NECAB1: variants seen among roughly 807,000 people sequenced by gnomAD.
NECAB1 encodes N-terminal EF-hand calcium-binding protein 1.
In NECAB1, 29 loss-of-function variants were observed where a neutral mutation model predicts 57.5. The observed-to-expected ratio is 0.50, with a 90% confidence interval of 0.38 to 0.69. NECAB1 has a LOEUF of 0.69. NECAB1 is among the 30% of genes least tolerant of loss of function. The pLI is 0.00. For synonymous variants in NECAB1, 142 were observed against 147.7 expected, an observed-to-expected ratio of 0.96 and a Z score of 0.28; for missense variants, 372 against 413.8, an observed-to-expected ratio of 0.90 and a Z score of 0.88.
intron 9 of NECAB1, among the ~76,000 whole-genome samples, chr8:90,939,350 C>T (rs922407953): frequency 6.6e-6 from 1 of 152,220 alleles, no homozygotes; most frequent in South Asian, 2.1e-4. Flanking sequence ...GTTGATTGGC[C>T]AGAGCAGGTT....
intron 12 of NECAB1, among the ~76,000 whole-genome samples, chr8:90,953,700 G>A (rs1164299021): frequency 6.6e-6 from 1 of 152,126 alleles, no homozygotes; most frequent in Non-Finnish European, 1.5e-5. Flanking sequence ...GGTTTTAATG[G>A]CCATATAACT....
chr8:90,953,210 C>G (rs1260378309), intron 12 of NECAB1, among the ~76,000 whole-genome samples: 1 of 152,104 alleles, frequency 6.6e-6, no homozygotes, highest in East Asian at 1.9e-4. Context: ...GAGGATAGAA[C>G]AGGAGGCTAC....
At chr8:90,833,068 G>A (rs886449270) in intron 3 of NECAB1, among the ~76,000 whole-genome samples, 2 of 151,986 alleles carry the variant, frequency 1.3e-5, no homozygotes, top group Non-Finnish European at 2.9e-5. Flanking sequence ...ATTATGTAGG[G>A]TTTTTACAGT....
intron 10 of NECAB1, among the ~76,000 whole-genome samples, chr8:90,941,776 T>G (rs1348581260): frequency 6.6e-6 from 1 of 152,222 alleles, no homozygotes; most frequent in Non-Finnish European, 1.5e-5. Context: ...GACCTGGCTA[T>G]TCTTCCTCTC....
chr8:90,825,921 G>A (rs370282089), intron 3 of NECAB1, among the ~76,000 whole-genome samples: 3 of 151,832 alleles, frequency 2.0e-5, no homozygotes, highest in South Asian at 4.2e-4. Context: ...ACCAGCTTAT[G>A]GTTTTATGGA....
chr8:90,906,891 A>ATATATATATATATGTATG (rs371995508), intron 5 of NECAB1, among the ~76,000 whole-genome samples: 12 of 113,408 alleles, frequency 1.1e-4, no homozygotes, highest in African/African-American at 3.6e-4. Context: ...ATATATATAT[A>ATATATATATATATGTATG]TATATATATA....
intron 7 of NECAB1, among the ~76,000 whole-genome samples, chr8:90,927,204 C>CTCTTTTTTTTTTTT (rs10630870): frequency 6.9e-5 from 9 of 131,130 alleles, no homozygotes; most frequent in East Asian, 4.5e-4. Flanking sequence ...TTTTCTCTCT[C>CTCTTTTTTTTTTTT]TTTTTTTTTT....
At chr8:90,934,166 C>A in intron 8 of NECAB1, 138 bp from the exon 9 acceptor site, 1 of 599,478 alleles carries the variant, frequency 1.7e-6, no homozygotes, top group Non-Finnish European at 2.9e-6. Flanking sequence ...TTAAAAAAAT[C>A]AGTATTATTT....
chr8:90,890,968 TA>T (rs773315261), intron 5 of NECAB1, among the ~76,000 whole-genome samples: 41 of 152,296 alleles, frequency 2.7e-4, no homozygotes, highest in Admixed American at 9.8e-4. Context: ...CTTTGTCCAG[TA>T]AATCTGGAAA....
At chr8:90,933,904 A>AAGAAATGT (rs1810470026) in intron 8 of NECAB1, among the ~76,000 whole-genome samples, 1 of 152,140 alleles carries the variant, frequency 6.6e-6, no homozygotes, top group Non-Finnish European at 1.5e-5. Context: ...ATGATGTCCC[A>AAGAAATGT]AGAAATGTAG....
At chr8:90,875,450 C>T (rs1419821897) in intron 4 of NECAB1, among the ~76,000 whole-genome samples, 6 of 135,668 alleles carry the variant, frequency 4.4e-5, no homozygotes, top group African/African-American at 1.2e-4. Context: ...CACTGCAGTC[C>T]GCAGTCCGGC....
chr8:90,858,193 C>G (rs1378068204), intron 3 of NECAB1, among the ~76,000 whole-genome samples: 1 of 152,074 alleles, frequency 6.6e-6, no homozygotes, highest in Non-Finnish European at 1.5e-5. Context: ...ATTGAAGTCC[C>G]AATATGAGCA....
rs116667348 is a variant in NECAB1, at chr8:90,848,224, A to G, written c.233+23399A>G. 2.1e-3 allele frequency among the ~76,000 whole-genome samples: 315 copies of G among 152,344 alleles called. 1 individual carries two copies. The highest frequency in any genetic ancestry group is 7.3e-3 in the African/African-American group (305 of 41,578). On this transcript the variant is annotated intron_variant, in intron 3 of 12. Transcript: ENST00000417640. Reference sequence around the variant, plus strand: ...AGTCTATTTGCTAAAGCATAATAAGAGTCACCTTTGCTACAGTTCCCAGCA... The same window carrying G: ...AGTCTATTTGCTAAAGCATAATAAGGGTCACCTTTGCTACAGTTCCCAGCA...
chr8:90,821,290 C>T (rs1032030835), intron 2 of NECAB1, among the ~76,000 whole-genome samples: 10 of 151,856 alleles, frequency 6.6e-5, no homozygotes. Flanking sequence ...TGATACCATC[C>T]ATCTGTTGCT....
Position 90,940,815 on chromosome 8 carries a change from T to C in NECAB1, c.777T>C (p.Ser259=). The change falls in exon 10 of 13, where the codon TCT becomes TCC. Residue 259 remains serine, a synonymous_variant. Transcript: ENST00000417640. ...TCATGCTTGTGCAGCGGCAGATGTCTGTGATAGAAGAGGACCTGGAAGAAT... is the reference window on the plus strand; with the variant it reads ...TCATGCTTGTGCAGCGGCAGATGTCCGTGATAGAAGAGGACCTGGAAGAAT... ...SHIMLVQRQM[S]VIEEDLEEFQ... is the part of the protein sequence containing the mutation. 6.4e-7 allele frequency: 1 copy of C among 1,563,094 alleles called. No homozygotes were observed. The highest frequency in any genetic ancestry group is 8.7e-7 in the Non-Finnish European group (1 of 1,153,286).
intron 1 of NECAB1, among the ~76,000 whole-genome samples, chr8:90,799,212 A>G (rs545406046): frequency 2.8e-4 from 42 of 152,240 alleles, no homozygotes; most frequent in Non-Finnish European, 5.4e-4. Context: ...TGTTGAATAC[A>G]TAGTTGGTGA....
intron 4 of NECAB1, among the ~76,000 whole-genome samples, chr8:90,877,074 C>T (rs13267794): frequency 0.01 from 1,533 of 152,272 alleles, 12 homozygotes; most frequent in Non-Finnish European, 0.017. Context: ...AAATGAGAAA[C>T]ATCAGTCACA....
chr8:90,899,245 G>C (rs1277347946), intron 5 of NECAB1, among the ~76,000 whole-genome samples: 1 of 152,152 alleles, frequency 6.6e-6, no homozygotes, highest in Admixed American at 6.5e-5. Flanking sequence ...GTGGCAGCTG[G>C]AGATGGGTAG....
At chr8:90,868,140 T>G (rs1808555278) in intron 3 of NECAB1, among the ~76,000 whole-genome samples, 1 of 152,202 alleles carries the variant, frequency 6.6e-6, no homozygotes, top group African/African-American at 2.4e-5. Flanking sequence ...CCTTCTACCA[T>G]AATTGTAAGT....
Sources: allele counts gnomAD v4.1 joint callset (sites outside exome capture counted in the v4.1 genomes callset), GRCh38; gene constraint gnomAD v4.1.1; transcripts MANE v1.5; gene names NCBI Gene and HGNC (gene_info 2026-07-23, HGNC 2026-07-21).